The following RBFOX3 variants were observed in gnomAD, a reference collection of about 807,000 sequenced individuals.
The protein encoded by RBFOX3 is RNA binding protein fox-1 homolog 3.
RBFOX3 carries 17 observed loss-of-function variants against 48.7 expected under a neutral mutation model. The ratio of observed to expected loss-of-function variants is 0.35; its 90% confidence interval spans 0.24 to 0.52. RBFOX3 has a LOEUF of 0.52. RBFOX3 is among the 20% of genes least tolerant of loss of function. RBFOX3 has a pLI of 0.94. For missense variants in RBFOX3, 382 were observed against 497.5 expected (o/e 0.77, Z 2.21); for synonymous variants, 212 against 209.5 (o/e 1.01, Z -0.10).
Position 79,252,061 on chromosome 17 carries a change from G to A in RBFOX3, c.-73-16256C>T, listed in dbSNP as rs932195568. 6.6e-5 allele frequency among the ~76,000 whole-genome samples: 10 copies of A among 152,122 alleles called. No individual in the cohort carries two copies. The highest frequency in any genetic ancestry group is 5.9e-4 in the Admixed American group (9 of 15,272). The stretch of plus-strand genomic sequence containing the variant: ...AGCAGGGAATGAGTCTGCTGACCAC[G>A]CCTCATGCCTCTGGAAGCACACTTT... On this transcript the variant is annotated intron_variant, in intron 3 of 14. Coordinates refer to ENST00000693108, the MANE Select transcript of RBFOX3 (RefSeq NM_001350451.2). The surrounding 1 kb of genome is among the most constrained non-coding windows in gnomAD (Gnocchi z 4.0).
intron 2 of RBFOX3, among the ~76,000 whole-genome samples, chr17:79,357,589 C>A (rs1012416340): frequency 2.6e-5 from 4 of 152,134 alleles, no homozygotes; most frequent in African/African-American, 9.7e-5. Context: ...CGAGATTGCA[C>A]CACTGCACTC....
chr17:79,188,346 T>C (rs893553429), intron 4 of RBFOX3, among the ~76,000 whole-genome samples: 32 of 152,192 alleles, frequency 2.1e-4, no homozygotes, highest in Middle Eastern at 3.4e-3. Context: ...ACTGGCACTG[T>C]CCCCCTGGCC....
chr17:79,117,953 G>T (rs62063839), intron 4 of RBFOX3, among the ~76,000 whole-genome samples: 9,239 of 152,276 alleles, frequency 0.061, 420 homozygotes, highest in Non-Finnish European at 0.093. Context: ...GTCCAAGGCT[G>T]GGTGTTCTGC....
intron 2 of RBFOX3, among the ~76,000 whole-genome samples, chr17:79,379,376 AGTCGAAGAAGGG>A (rs2059610830): frequency 6.6e-6 from 1 of 152,104 alleles, no homozygotes; most frequent in African/African-American, 2.4e-5. Context: ...TGAATGGAAA[AGTCGAAGAAGGG>A]GTGTGTTCTG....
chr17:79,656,699 AGG>A, the RBFOX3 span, among the ~76,000 whole-genome samples: 1 of 117,236 alleles, frequency 8.5e-6, no homozygotes, highest in Non-Finnish European at 1.7e-5. Context: ...GAAGGAAGGA[AGG>A]AAGGAAGGAG....
the RBFOX3 span, among the ~76,000 whole-genome samples, chr17:79,642,933 C>T: frequency 6.6e-6 from 1 of 152,066 alleles, no homozygotes; most frequent in Non-Finnish European, 1.5e-5. Flanking sequence ...AGAGAGACCT[C>T]GTCTCTACAA....
At chr17:79,215,399 C>T (rs2606193) in intron 4 of RBFOX3, among the ~76,000 whole-genome samples, 132,246 of 152,256 alleles carry the variant, frequency 0.87, 57,674 homozygotes, top group South Asian at 0.91. Context: ...CATGCTCAGA[C>T]GTGTGGCCCC....
chr17:79,437,645 G>C (rs958080388), intron 2 of RBFOX3, among the ~76,000 whole-genome samples: 26 of 152,218 alleles, frequency 1.7e-4, no homozygotes, highest in African/African-American at 5.8e-4. Flanking sequence ...TGGAGGGCTG[G>C]TCTTCAGGAG....
intron 2 of RBFOX3, among the ~76,000 whole-genome samples, chr17:79,425,313 C>A (rs536520268): frequency 6.6e-6 from 1 of 152,304 alleles, no homozygotes; most frequent in Admixed American, 6.5e-5. Flanking sequence ...GTCCCCTCCG[C>A]AGTAACCCTC....
chr17:79,414,141 G>A (rs1033774505), intron 2 of RBFOX3, among the ~76,000 whole-genome samples: 5 of 152,152 alleles, frequency 3.3e-5, no homozygotes, highest in Admixed American at 3.3e-4. Flanking sequence ...GTTCTCAAGG[G>A]CCCTCCTGGA....
rs1337901514 is a variant in RBFOX3 at position 79,214,755 on chromosome 17, C to T, written c.-34+21011G>A. ...CCAGCTACTAGACGGCCCTAGGAAA[C>T]AGACACTAAATCCTCATTACAAGGC... is the stretch of plus-strand genomic sequence containing the variant. On this transcript the variant is annotated intron_variant, in intron 4 of 14. Coordinates refer to ENST00000693108, the MANE Select transcript of RBFOX3 (RefSeq NM_001350451.2). This position sits in a 1 kb window ranked among gnomAD's most constrained non-coding sequence, Gnocchi z 4.7. Among the ~76,000 whole-genome samples, 1 of 152,132 alleles carries T rather than the reference C, an allele frequency of 6.6e-6. No homozygotes were observed. Among genetic ancestry groups the T allele is most frequent in the Admixed American group, 6.5e-5 (1 of 15,282 alleles).
intron 4 of RBFOX3, among the ~76,000 whole-genome samples, chr17:79,227,506 G>A (rs1465293991): frequency 6.6e-6 from 1 of 152,248 alleles, no homozygotes; most frequent in African/African-American, 2.4e-5. Flanking sequence ...TCACTGCACA[G>A]GAGATGAGCA....
chr17:79,611,432 G>C (rs931891062), upstream of RBFOX3, among the ~76,000 whole-genome samples: 913 of 151,980 alleles, frequency 6.0e-3, 18 homozygotes, highest in East Asian at 0.025. Context: ...CTCGGGGCAG[G>C]GGCACAGAAG....
chr17:79,458,292 C>T (rs1225196688), intron 2 of RBFOX3, among the ~76,000 whole-genome samples: 1 of 152,210 alleles, frequency 6.6e-6, no homozygotes, highest in African/African-American at 2.4e-5. Context: ...TACGGATTCA[C>T]TAGAAGGGGC....
intron 4 of RBFOX3, among the ~76,000 whole-genome samples, chr17:79,157,942 C>T (rs977552997): frequency 1.8e-4 from 27 of 152,170 alleles, no homozygotes; most frequent in Admixed American, 1.2e-3. Context: ...TGAGAACGAC[C>T]GAGCTGTATC....
chr17:79,275,192 CTCCTCCCCTGGCCTCATGT>C (rs150520422), intron 3 of RBFOX3, among the ~76,000 whole-genome samples: 34,241 of 148,868 alleles, frequency 0.23, 4,170 homozygotes, highest in African/African-American at 0.29. Context: ...TGGCCTCATG[CTCCTCCCCTGGCCTCATGT>C]TCCTCCCCTT....
chr17:79,660,552 C>A, the RBFOX3 span, among the ~76,000 whole-genome samples: 1 of 152,218 alleles, frequency 6.6e-6, no homozygotes, highest in Non-Finnish European at 1.5e-5. Context: ...AAAAGCTCAA[C>A]ATCACTGAAC....
In RBFOX3 at chr17:79,299,415, A is replaced by G. The variant is rs2074953734; in HGVS notation, c.-74+8309T>C. On this transcript the variant is annotated intron_variant, in intron 3 of 14. Coordinates refer to ENST00000693108, the MANE Select transcript of RBFOX3 (RefSeq NM_001350451.2). The surrounding 1 kb of genome is among the most constrained non-coding windows in gnomAD (Gnocchi z 4.5). ...ACCACAGGTCAAAAGTATTAGAAAAATAAATAAAAATAATGATACAACAAT... is the reference window on the plus strand; with the variant it reads ...ACCACAGGTCAAAAGTATTAGAAAAGTAAATAAAAATAATGATACAACAAT... Among the ~76,000 whole-genome samples, 1 of 152,228 alleles carries G rather than the reference A, an allele frequency of 6.6e-6. No individual in the cohort carries two copies. The highest frequency in any genetic ancestry group is 1.9e-4 in the East Asian group (1 of 5,204).
chr17:79,603,752 C>T (rs2093763136), intron 1 of RBFOX3: 1 of 152,294 alleles, frequency 6.6e-6, no homozygotes, highest in South Asian at 2.1e-4. Flanking sequence ...AGGGAAGGGT[C>T]CCACTCACCA....
Sources: gnomAD v4.1 joint callset for allele counts (sites outside exome capture counted in the v4.1 genomes callset) on GRCh38, gnomAD v4.1.1 for gene constraint, Gnocchi (gnomAD v3.1) non-coding constraint, MANE v1.5 for transcripts, NCBI Gene and HGNC (gene_info 2026-07-23, HGNC 2026-07-21) for gene names.